TMEM131: variants seen among roughly 807,000 people sequenced by gnomAD.
The protein encoded by TMEM131 is 2610524E03Rik.
TMEM131 carries 66 observed loss-of-function variants against 211.6 expected under a neutral mutation model. That is an observed-to-expected ratio of 0.31 (90% confidence interval 0.26 to 0.38). The LOEUF (loss-of-function observed/expected upper bound fraction) is 0.38, where lower values mean the gene tolerates loss of function less well. TMEM131 is among the 10% of genes least tolerant of loss of function. TMEM131 has a pLI of 1.00. For missense variants in TMEM131, 2,036 were observed against 2,299.3 expected (o/e 0.89, Z 2.34); for synonymous variants, 844 against 841.3 (o/e 1.00, Z -0.06).
At chr2:97,791,548 C>T (rs770524090) in intron 31 of TMEM131, among the ~76,000 whole-genome samples, 3 of 152,200 alleles carry the variant, frequency 2.0e-5, no homozygotes, top group Non-Finnish European at 4.4e-5. Flanking sequence ...AACTGAATCC[C>T]ACCATCAACT....
intron 4 of TMEM131, chr2:97,887,653 C>CTATTTGGTGATATTATA (rs1675216541): frequency 6.4e-6 from 1 of 156,536 alleles, no homozygotes; most frequent in Non-Finnish European, 1.4e-5. Context: ...GGTGATAATA[C>CTATTTGGTGATATTATA]TATTTGGTGA....
At chr2:97,818,540 G>T in intron 12 of TMEM131, 73 bp downstream of exon 12, 1 of 833,006 alleles carries the variant, frequency 1.2e-6, no homozygotes, top group Admixed American at 2.6e-5. Context: ...TTTATATTAA[G>T]ACGTTAATAC....
Position 97,757,386 on chromosome 2 carries a change from G to A in TMEM131, c.5368-3C>T. On this transcript the variant is annotated splice_polypyrimidine_tract_variant and splice_region_variant and intron_variant, in intron 40 of 40. Transcript: ENST00000186436. ...CCGCTGGTGTTACCGAGGACCGACT[G>A]CGACAAAACAGAAAGCGTCCAGCAC... The A allele has an allele frequency of 6.3e-7, 1 of 1,588,024 alleles. No homozygotes were observed. Among genetic ancestry groups the A allele is most frequent in the Non-Finnish European group, 8.6e-7 (1 of 1,163,660 alleles).
chr2:97,815,403 AGTTG>A, intron 12 of TMEM131, 96 bp from the exon 13 acceptor site: 1 of 714,128 alleles, frequency 1.4e-6, no homozygotes, highest in Non-Finnish European at 2.1e-6. Context: ...AAAAAAAAAA[AGTTG>A]AGCTTCCAAA....
intron 1 of TMEM131, among the ~76,000 whole-genome samples, chr2:97,972,371 T>C (rs114521051): frequency 0.011 from 1,711 of 149,754 alleles, 35 homozygotes; most frequent in African/African-American, 0.04. Context: ...TACTCCCACC[T>C]GGGTGACAGA....
At chr2:97,816,679 C>T (rs1681842348) in intron 12 of TMEM131, among the ~76,000 whole-genome samples, 1 of 152,114 alleles carries the variant, frequency 6.6e-6, no homozygotes, top group Admixed American at 6.5e-5. Flanking sequence ...TGGATGCTTT[C>T]AATTTTTCAC....
chr2:97,765,621 G>A (rs564814793), intron 35 of TMEM131, among the ~76,000 whole-genome samples: 1 of 152,312 alleles, frequency 6.6e-6, no homozygotes, highest in African/African-American at 2.4e-5. Flanking sequence ...CCAAACTGGA[G>A]AAACAAGGTC....
rs559736506 is a variant in TMEM131, at chr2:97,908,572, T to C, written c.290+86A>G. ...ATTTGCTATTCCTTCTTCACCAAAA[T>C]GAGCAAGGGGAAAGAGGAGGGAGAA... On this transcript the variant is annotated intron_variant, in intron 3 of 40. Coordinates refer to ENST00000186436, the MANE Select transcript of TMEM131 (RefSeq NM_015348.2). 26 of 973,670 alleles carry C rather than the reference T, an allele frequency of 2.7e-5. No individual in the cohort carries two copies. The African/African-American group carries it at 3.9e-4, about 15-fold the overall frequency. 60.3% of individuals were successfully genotyped at this position (973,670 alleles called of 1,614,324 possible).
intron 18 of TMEM131, among the ~76,000 whole-genome samples, 155 bp downstream of exon 18, chr2:97,810,973 T>C (rs1335562768): frequency 6.6e-6 from 1 of 152,232 alleles, no homozygotes; most frequent in Non-Finnish European, 1.5e-5. Flanking sequence ...TGAACATCAA[T>C]ATTCTATAAA....
intron 1 of TMEM131, among the ~76,000 whole-genome samples, chr2:97,972,347 C>T (rs1361802897): frequency 6.6e-6 from 1 of 151,752 alleles, no homozygotes; most frequent in Non-Finnish European, 1.5e-5. Flanking sequence ...AGCAAGACCC[C>T]CCAGAAACTG....
intron 4 of TMEM131, among the ~76,000 whole-genome samples, chr2:97,873,636 C>T (rs1674578854): frequency 1.3e-5 from 2 of 152,214 alleles, no homozygotes; most frequent in Non-Finnish European, 2.9e-5. Context: ...CAGCAAACTC[C>T]AGCAGACCAG....
intron 5 of TMEM131, among the ~76,000 whole-genome samples, chr2:97,855,380 T>C (rs1313097088): frequency 2.0e-5 from 3 of 152,178 alleles, no homozygotes; most frequent in Non-Finnish European, 4.4e-5. Context: ...CAAATAAATA[T>C]ACACAGATTT....
At chr2:97,928,921 A>G (rs1169592516) in intron 1 of TMEM131, among the ~76,000 whole-genome samples, 1 of 151,858 alleles carries the variant, frequency 6.6e-6, no homozygotes, top group East Asian at 1.9e-4. Flanking sequence ...TATTACATAC[A>G]TATAAGAATA....
At chr2:97,805,233 C>CATCT in intron 21 of TMEM131, 28 bp from the exon 22 acceptor site, 1 of 1,592,100 alleles carries the variant, frequency 6.3e-7, no homozygotes, top group East Asian at 2.2e-5. Flanking sequence ...ACTTAACCTG[C>CATCT]ATCTATACTC....
At chr2:97,886,908 G>A (rs2104249857) in intron 4 of TMEM131, among the ~76,000 whole-genome samples, 1 of 152,340 alleles carries the variant, frequency 6.6e-6, no homozygotes, top group South Asian at 2.1e-4. Flanking sequence ...ACTCTTTTTG[G>A]AGAATCTGAG....
intron 1 of TMEM131, among the ~76,000 whole-genome samples, chr2:97,951,877 G>A (rs760459653): frequency 4.6e-5 from 7 of 151,996 alleles, no homozygotes; most frequent in Non-Finnish European, 1.0e-4. Flanking sequence ...GTTCAATTTC[G>A]GCCAGGCGCA....
intron 31 of TMEM131, among the ~76,000 whole-genome samples, chr2:97,783,485 T>C (rs1399903507): frequency 1.3e-5 from 2 of 152,050 alleles, no homozygotes; most frequent in Non-Finnish European, 2.9e-5. Context: ...GTAGAGGAAA[T>C]ATTTAAGACA....
chr2:97,932,805 C>T (rs1677284921), intron 1 of TMEM131, among the ~76,000 whole-genome samples: 1 of 148,540 alleles, frequency 6.7e-6, no homozygotes, highest in Admixed American at 6.6e-5. Flanking sequence ...TAGCCCAAAA[C>T]AGCAGGCCCT....
At chr2:97,820,125 T>C (rs909808981) in intron 11 of TMEM131, among the ~76,000 whole-genome samples, 1 of 152,264 alleles carries the variant, frequency 6.6e-6, no homozygotes, top group Non-Finnish European at 1.5e-5. Context: ...GATGGTTCTG[T>C]GGACCTCAGG....
Sources: gnomAD v4.1 joint callset for allele counts (sites outside exome capture counted in the v4.1 genomes callset) on GRCh38, gnomAD v4.1.1 for gene constraint, MANE v1.5 for transcripts, NCBI Gene and HGNC (gene_info 2026-07-23, HGNC 2026-07-21) for gene names.